Variants in IQGAP2 observed in about 807,000 individuals in gnomAD.
The protein encoded by IQGAP2 is ras GTPase-activating-like protein IQGAP2.
A neutral mutation model predicts 201.3 loss-of-function variants in IQGAP2; 173 were observed. The observed-to-expected ratio is 0.86, with a 90% CI of 0.76 to 0.98. IQGAP2 has a LOEUF of 0.98. Among genes scored for constraint, IQGAP2 ranks in the 50% least tolerant of loss-of-function variants. The pLI, the probability that IQGAP2 is intolerant of heterozygous loss-of-function variation, is 0.00. For synonymous variants in IQGAP2, 675 were observed against 673.9 expected, an observed-to-expected ratio of 1.00 and a Z score of -0.03; for missense variants, 1,687 against 1,864.8, an observed-to-expected ratio of 0.90 and a Z score of 1.76.
At chr5:76,426,503 TC>T (rs1326275053) in intron 1 of IQGAP2, among the ~76,000 whole-genome samples, 3 of 152,218 alleles carry the variant, frequency 2.0e-5, no homozygotes, top group Admixed American at 2.0e-4. Context: ...GGGTTCCTTT[TC>T]AGGAAAGTTG....
intron 3 of IQGAP2, among the ~76,000 whole-genome samples, chr5:76,567,795 A>G (rs1444251318): frequency 6.6e-6 from 1 of 152,198 alleles, no homozygotes; most frequent in East Asian, 1.9e-4. Flanking sequence ...AATATGTAGA[A>G]TGTTAGCATC....
chr5:76,563,618 G>T (rs1429727714), intron 3 of IQGAP2, among the ~76,000 whole-genome samples: 1 of 152,200 alleles, frequency 6.6e-6, no homozygotes, highest in East Asian at 1.9e-4. Flanking sequence ...CTTCAAAACA[G>T]ATTTTTTAAA....
intron 2 of IQGAP2, among the ~76,000 whole-genome samples, chr5:76,474,295 T>C (rs1035633053): frequency 5.9e-5 from 9 of 152,172 alleles, no homozygotes; most frequent in Admixed American, 1.3e-4. Context: ...CTATAAATCA[T>C]GTTGAGTAGT....
chr5:76,456,063 T>C (rs79634669), intron 1 of IQGAP2, among the ~76,000 whole-genome samples: 2,003 of 152,292 alleles, frequency 0.013, 44 homozygotes, highest in African/African-American at 0.046. Context: ...TTCGTAGGAC[T>C]AAACTTGGAA....
At chr5:76,569,069 T>C (rs1320250890) in intron 3 of IQGAP2, among the ~76,000 whole-genome samples, 3 of 152,224 alleles carry the variant, frequency 2.0e-5, no homozygotes, top group Non-Finnish European at 4.4e-5. Context: ...GTTTATTCCT[T>C]TTCCTTCTTC....
At chr5:76,622,076 G>A (rs1749741079) in intron 13 of IQGAP2, among the ~76,000 whole-genome samples, 1 of 152,056 alleles carries the variant, frequency 6.6e-6, no homozygotes, top group Admixed American at 6.6e-5. Flanking sequence ...ACGAAATAAG[G>A]CAGGTTGGAC....
rs71604293 is a variant in IQGAP2, at chr5:76,452,905, C to CTTT, written c.47-8644_47-8642dup. On this transcript the variant is annotated intron_variant, in intron 1 of 35. Coordinates refer to ENST00000274364, the MANE Select transcript of IQGAP2 (RefSeq NM_006633.5). ...AATGTATTTTCCAATCAATTCCTAT[C>CTTT]TTTTTTTTTTTTTTTTTTTTTTTGA... is the stretch of plus-strand genomic sequence containing the variant. Among the ~76,000 whole-genome samples the CTTT allele has an allele frequency of 2.5e-3, 260 of 106,036 alleles. 5 individuals are homozygous for CTTT. Among genetic ancestry groups the CTTT allele is most frequent in the South Asian group, 0.014 (47 of 3,392 alleles). 69.6% of individuals were successfully genotyped at this position (106,036 alleles called of 152,430 possible).
intron 28 of IQGAP2, among the ~76,000 whole-genome samples, chr5:76,680,705 C>G (rs1362726297): frequency 6.6e-6 from 1 of 150,634 alleles, no homozygotes; most frequent in Non-Finnish European, 1.5e-5. Flanking sequence ...ACAGGAGGAT[C>G]CCTTAAAGCC....
At chr5:76,459,373 C>T (rs1754296641) in intron 1 of IQGAP2, among the ~76,000 whole-genome samples, 1 of 152,106 alleles carries the variant, frequency 6.6e-6, no homozygotes, top group African/African-American at 2.4e-5. Context: ...CTCCAGTGCC[C>T]ACTCTTCCAA....
chr5:76,695,521 A>G lies in IQGAP2; in HGVS notation c.4061A>G (p.Lys1354Arg), dbSNP rs61739347. 1,861 of 1,614,192 alleles carry G rather than the reference A, an allele frequency of 1.2e-3. 1 individual carries two copies. The highest frequency in any genetic ancestry group is 1.6e-3 in the Admixed American group (94 of 60,028). The change falls in exon 32 of 36, where the codon AAG becomes AGG. Residue 1354 changes from lysine to arginine, a missense_variant. Lys to Arg is a conservative substitution (Grantham distance 26). Coordinates refer to ENST00000274364, the MANE Select transcript of IQGAP2 (RefSeq NM_006633.5). The part of the protein sequence containing the change: ...MIDSRTPEEM[K>R]HSQSMIEDAQ... ...GATTCCAGGACTCCAGAAGAAATGAAGCATAGCCAATCTATGATTGAAGAT... is the reference window on the plus strand; with the variant it reads ...GATTCCAGGACTCCAGAAGAAATGAGGCATAGCCAATCTATGATTGAAGAT...
At chr5:76,566,407 G>T (rs1295583495) in intron 3 of IQGAP2, among the ~76,000 whole-genome samples, 1 of 152,138 alleles carries the variant, frequency 6.6e-6, no homozygotes, top group African/African-American at 2.4e-5. Context: ...AAGAGAGGGA[G>T]CTCATTTGTG....
chr5:76,565,615 G>A (rs1176321023), intron 3 of IQGAP2, among the ~76,000 whole-genome samples: 2 of 152,212 alleles, frequency 1.3e-5, no homozygotes, highest in African/African-American at 4.8e-5. Context: ...TGTAAAGTGG[G>A]CAGGCACCGT....
chr5:76,480,264 G>A (rs1437955555), intron 2 of IQGAP2, among the ~76,000 whole-genome samples: 1 of 152,158 alleles, frequency 6.6e-6, no homozygotes, highest in Non-Finnish European at 1.5e-5. Flanking sequence ...CATACCCTCT[G>A]TTCTGGATGG....
intron 1 of IQGAP2, among the ~76,000 whole-genome samples, chr5:76,434,288 C>T (rs1247175784): frequency 6.6e-6 from 1 of 152,102 alleles, no homozygotes; most frequent in Non-Finnish European, 1.5e-5. Context: ...GTGTGCTTGT[C>T]ACCTGAGTAG....
At chr5:76,592,788 T>G (rs760704631) in intron 8 of IQGAP2, 50 bp from the exon 9 acceptor site, 51 of 1,198,394 alleles carry the variant, frequency 4.3e-5, no homozygotes, top group Non-Finnish European at 5.6e-5. Flanking sequence ...TTTCGAGTTT[T>G]GGAAATATTT....
intron 31 of IQGAP2, 23 bp from the exon 32 acceptor site, chr5:76,695,431 G>A (rs1293882242): frequency 1.3e-6 from 2 of 1,599,904 alleles, no homozygotes; most frequent in East Asian, 4.5e-5. Flanking sequence ...AGAAAACTCA[G>A]CATCTTGATA....
chr5:76,622,462 A>C (rs140697446), intron 13 of IQGAP2, among the ~76,000 whole-genome samples: 226 of 151,992 alleles, frequency 1.5e-3, no homozygotes, highest in African/African-American at 5.2e-3. Context: ...TGCCTCTCCC[A>C]CTCCTAACAA....
Position 76,613,272 on chromosome 5 carries a change from A to G in IQGAP2, c.1521+2089A>G, listed in dbSNP as rs188700726. On this transcript the variant is annotated intron_variant, in intron 13 of 35. Transcript: ENST00000274364. ...CCCAGGGGCAGGAGAGTGGGCCTTC[A>G]CCTTGATGTTTCCACTGAGGTGGCT... Among the ~76,000 whole-genome samples, 382 of 152,314 alleles carry G rather than the reference A, an allele frequency of 2.5e-3. 3 individuals carry two copies. Among genetic ancestry groups the G allele is most frequent in the African/African-American group, 8.1e-3 (335 of 41,568 alleles).
At chr5:76,570,961 A>T (rs1448725233) in intron 4 of IQGAP2, among the ~76,000 whole-genome samples, 1 of 152,130 alleles carries the variant, frequency 6.6e-6, no homozygotes, top group Non-Finnish European at 1.5e-5. Context: ...CTATTTGTAC[A>T]TAAAGATTCT....
Sources: allele counts gnomAD v4.1 joint callset (sites outside exome capture counted in the v4.1 genomes callset), GRCh38; gene constraint gnomAD v4.1.1; transcripts MANE v1.5; gene names NCBI Gene and HGNC (gene_info 2026-07-23, HGNC 2026-07-21).